Variants in VMP1 observed in about 807,000 individuals in gnomAD.
The protein encoded by VMP1 is vacuole membrane protein 1, also known as ectopic P-granules autophagy protein 3 homolog.
A neutral mutation model predicts 56.0 loss-of-function variants in VMP1; 11 were observed. The observed-to-expected ratio is 0.20, with a 90% confidence interval of 0.12 to 0.32. VMP1 has a LOEUF of 0.32. VMP1 is among the 10% of genes least tolerant of loss of function. VMP1 has a pLI of 1.00. For missense variants in VMP1, 296 were observed against 490.3 expected (o/e 0.60, Z 3.74); for synonymous variants, 149 against 165.0 (o/e 0.90, Z 0.74).
intron 5 of VMP1, among the ~76,000 whole-genome samples, chr17:59,760,524 T>A (rs115474950): frequency 6.6e-6 from 1 of 152,228 alleles, no homozygotes; most frequent in Non-Finnish European, 1.5e-5. Flanking sequence ...TCTACTCTAT[T>A]GTTTTTAAGA....
chr17:59,803,560 A>C (rs1468373473), intron 7 of VMP1, among the ~76,000 whole-genome samples: 3 of 152,220 alleles, frequency 2.0e-5, no homozygotes, highest in Admixed American at 6.5e-5. Flanking sequence ...AGACTTAGAG[A>C]ATGAAACTAT....
At chr17:59,719,986 G>A (rs1390167932) in intron 1 of VMP1, among the ~76,000 whole-genome samples, 4 of 152,194 alleles carry the variant, frequency 2.6e-5, no homozygotes, top group South Asian at 4.1e-4. Context: ...GCTTCTGCCC[G>A]GTTTGTGTTC....
chr17:59,826,074 T>C (rs917280483), intron 10 of VMP1, among the ~76,000 whole-genome samples: 3 of 152,206 alleles, frequency 2.0e-5, no homozygotes, highest in Non-Finnish European at 4.4e-5. Flanking sequence ...GATGAAAGGA[T>C]AGAATTTAAG....
chr17:59,786,943 G>A (rs1025114664), intron 7 of VMP1, among the ~76,000 whole-genome samples: 1 of 152,186 alleles, frequency 6.6e-6, no homozygotes, highest in Non-Finnish European at 1.5e-5. Flanking sequence ...AAGAATTAGT[G>A]TAGTTTCTCT....
intron 5 of VMP1, among the ~76,000 whole-genome samples, chr17:59,755,222 C>T (rs893935381): frequency 6.6e-6 from 1 of 151,874 alleles, no homozygotes; most frequent in African/African-American, 2.4e-5. Context: ...ATTCTCCTGC[C>T]TCACCCTCCC....
chr17:59,776,862 A>G (rs2036635379), intron 7 of VMP1, among the ~76,000 whole-genome samples: 1 of 152,320 alleles, frequency 6.6e-6, no homozygotes, highest in South Asian at 2.1e-4. Context: ...TGGATTCCAA[A>G]TGGGTATGAG....
chr17:59,829,503 C>G (rs926602830), intron 10 of VMP1, among the ~76,000 whole-genome samples: 12 of 152,032 alleles, frequency 7.9e-5, no homozygotes, highest in African/African-American at 2.7e-4. Context: ...TGGTTGGTCC[C>G]CAGGGAAACT....
chr17:59,824,572 A>T (rs1464114697), intron 10 of VMP1, among the ~76,000 whole-genome samples: 1 of 90,128 alleles, frequency 1.1e-5, no homozygotes, highest in Non-Finnish European at 2.6e-5. Context: ...GACTCCTTCT[A>T]AAAAAAAAAA....
chr17:59,780,971 G>A (rs903677917), intron 7 of VMP1, among the ~76,000 whole-genome samples: 3 of 152,154 alleles, frequency 2.0e-5, no homozygotes, highest in African/African-American at 7.2e-5. Context: ...TTCAGTGGAT[G>A]TGGATATAAT....
chr17:59,740,933 C>T (rs2035203513), intron 5 of VMP1, among the ~76,000 whole-genome samples: 1 of 152,188 alleles, frequency 6.6e-6, no homozygotes, highest in South Asian at 2.1e-4. Flanking sequence ...AATTATGGCT[C>T]ATGCCTGTAA....
At chr17:59,775,222 G>GC (rs1475819009) in intron 7 of VMP1, among the ~76,000 whole-genome samples, 11 of 152,272 alleles carry the variant, frequency 7.2e-5, no homozygotes, top group Non-Finnish European at 1.5e-4. Context: ...GGGATTACAG[G>GC]CGTGAGCCAC....
At chr17:59,834,320 T>C (rs965789311) in intron 10 of VMP1, among the ~76,000 whole-genome samples, 2 of 149,230 alleles carry the variant, frequency 1.3e-5, no homozygotes, top group South Asian at 4.3e-4. Context: ...TAGAGTGCAA[T>C]GGCATGATCT....
chr17:59,744,577 A>G (rs541220931), intron 5 of VMP1, among the ~76,000 whole-genome samples: 1 of 150,624 alleles, frequency 6.6e-6, no homozygotes, highest in African/African-American at 2.4e-5. Flanking sequence ...CCTGCTTGAG[A>G]CCAGGAGTTC....
At chr17:59,777,287 C>T (rs2144052019) in intron 7 of VMP1, among the ~76,000 whole-genome samples, 1 of 152,262 alleles carries the variant, frequency 6.6e-6, no homozygotes, top group African/African-American at 2.4e-5. Flanking sequence ...ACCATACATT[C>T]TAAACTAGCA....
At chr17:59,770,674 G>A (rs756169017) in intron 6 of VMP1, among the ~76,000 whole-genome samples, 4 of 150,156 alleles carry the variant, frequency 2.7e-5, no homozygotes, top group East Asian at 3.9e-4. Flanking sequence ...ACCTCCTCTC[G>A]TATTCCCACA....
At chr17:59,753,553 GTTC>G (rs1222568037) in intron 5 of VMP1, among the ~76,000 whole-genome samples, 1 of 152,154 alleles carries the variant, frequency 6.6e-6, no homozygotes, top group East Asian at 1.9e-4. Context: ...TATAAAGCCT[GTTC>G]TTAATAGCAA....
rs567901176 is a variant in VMP1, at chr17:59,824,264, A to G, written c.974+6491A>G. 7.0e-3 allele frequency among the ~76,000 whole-genome samples: 1,065 copies of G among 151,226 alleles called. 11 individuals carry two copies. The highest frequency in any genetic ancestry group is 0.025 in the African/African-American group (1,011 of 41,134). On this transcript the variant is annotated intron_variant, in intron 10 of 11. Transcript: ENST00000262291. Reference sequence around the variant, plus strand: ...AGACTCTGTCTCCAAAAAAAAAAAAAAGGGTATCAAAAATCTTTTGGCTGG... The same window carrying G: ...AGACTCTGTCTCCAAAAAAAAAAAAGAGGGTATCAAAAATCTTTTGGCTGG...
chr17:59,774,028 A>G (rs1422411871), intron 7 of VMP1, 143 bp downstream of exon 7: 29 of 914,062 alleles, frequency 3.2e-5, no homozygotes, highest in Non-Finnish European at 4.4e-5. Context: ...CTTGAGATAG[A>G]ATATTTAGAA....
intron 7 of VMP1, among the ~76,000 whole-genome samples, chr17:59,791,491 CTTTT>C (rs1208305582): frequency 7.9e-6 from 1 of 127,094 alleles, no homozygotes; most frequent in Non-Finnish European, 1.7e-5. Flanking sequence ...GTGCCCGGCT[CTTTT>C]TTTTTTTTTT....
Sources: gnomAD v4.1 joint callset for allele counts (sites outside exome capture counted in the v4.1 genomes callset) on GRCh38, gnomAD v4.1.1 for gene constraint, MANE v1.5 for transcripts, NCBI Gene and HGNC (gene_info 2026-07-23, HGNC 2026-07-21) for gene names.